FAM107B: variants seen among roughly 807,000 people sequenced by gnomAD.
The protein encoded by FAM107B is family with sequence similarity 107 member B, also known as protein FAM107B.
FAM107B carries 21 observed loss-of-function variants against 31.5 expected under a neutral mutation model. The observed-to-expected ratio is 0.67, with a 90% CI of 0.47 to 0.96. The LOEUF is 0.96. FAM107B is among the 40% of genes least tolerant of loss of function. The pLI is 0.00. For missense variants in FAM107B, 452 were observed against 377.1 expected (o/e 1.20, Z -1.64); for synonymous variants, 157 against 141.5 (o/e 1.11, Z -0.78).
intron 1 of FAM107B, among the ~76,000 whole-genome samples, chr10:14,767,363 A>G (rs1340633362): frequency 6.6e-6 from 1 of 151,830 alleles, no homozygotes; most frequent in African/African-American, 2.4e-5. Flanking sequence ...AAGTCCTGGG[A>G]TTACAGGCAT....
chr10:14,702,836 C>T (rs1209137526), intron 1 of FAM107B, among the ~76,000 whole-genome samples: 1 of 152,144 alleles, frequency 6.6e-6, no homozygotes, highest in African/African-American at 2.4e-5. Flanking sequence ...GAAGAGGCTT[C>T]TCCCCTACCT....
At chr10:14,703,289 C>T (rs1363304831) in intron 1 of FAM107B, among the ~76,000 whole-genome samples, 2 of 151,652 alleles carry the variant, frequency 1.3e-5, no homozygotes, top group African/African-American at 2.4e-5. Flanking sequence ...TTTGCTCCTA[C>T]AAAGTCTTCC....
chr10:14,619,909 T>C (rs1397823384), intron 2 of FAM107B, among the ~76,000 whole-genome samples: 1 of 152,008 alleles, frequency 6.6e-6, no homozygotes, highest in Non-Finnish European at 1.5e-5. Context: ...GATGTTCCAT[T>C]GTTTGCTTTT....
chr10:14,644,739 C>A (rs1033579048), intron 2 of FAM107B, among the ~76,000 whole-genome samples: 5 of 152,150 alleles, frequency 3.3e-5, no homozygotes, highest in African/African-American at 9.7e-5. Flanking sequence ...TGAAGAATGC[C>A]ACACAAATGC....
At chr10:14,560,398 G>A (rs1045718724) in intron 2 of FAM107B, among the ~76,000 whole-genome samples, 2 of 152,174 alleles carry the variant, frequency 1.3e-5, no homozygotes, top group Non-Finnish European at 2.9e-5. Flanking sequence ...GCTATATGAA[G>A]CAATAGGAAA....
chr10:14,587,754 G>A (rs1441264128), intron 2 of FAM107B, among the ~76,000 whole-genome samples: 1 of 152,210 alleles, frequency 6.6e-6, no homozygotes, highest in African/African-American at 2.4e-5. Context: ...GTGGGTGACA[G>A]TAAAGGACAC....
chr10:14,702,179 C>T (rs1031324161), intron 1 of FAM107B, among the ~76,000 whole-genome samples: 1 of 152,194 alleles, frequency 6.6e-6, no homozygotes, highest in African/African-American at 2.4e-5. Context: ...CTTGTTTATG[C>T]TCATCCACAA....
intron 2 of FAM107B, among the ~76,000 whole-genome samples, chr10:14,542,236 C>T (rs1026827958): frequency 2.7e-5 from 4 of 149,820 alleles, no homozygotes; most frequent in Non-Finnish European, 5.9e-5. Flanking sequence ...CGCCACTTCA[C>T]TCCAGCCTGG....
At chr10:14,571,030 C>T (rs1487713396) in intron 2 of FAM107B, among the ~76,000 whole-genome samples, 2 of 152,142 alleles carry the variant, frequency 1.3e-5, no homozygotes, top group East Asian at 3.8e-4. Flanking sequence ...CTATTTCTCA[C>T]AATTCTAGAG....
intron 2 of FAM107B, among the ~76,000 whole-genome samples, chr10:14,537,833 CAAAA>C (rs34298402): frequency 1.2e-5 from 1 of 85,628 alleles, no homozygotes; most frequent in Non-Finnish European, 2.2e-5. Context: ...GACTCTGTCT[CAAAA>C]AAAAAAAAAA....
In FAM107B at chr10:14,667,694, A is replaced by G. The variant is rs573910167; in HGVS notation, c.412-3T>C. ...GGTTCTTCTCGAAATTCTTCTTCCT[A>G]AGCGCCAGCCCCATAAACCAGAAAA... On this transcript the variant is annotated splice_region_variant and splice_polypyrimidine_tract_variant and intron_variant, in intron 1 of 4. Transcript: ENST00000181796. 3 of 1,613,978 alleles carry G rather than the reference A, an allele frequency of 1.9e-6. No individual in the cohort carries two copies. Among genetic ancestry groups the G allele is most frequent in the Non-Finnish European group, 2.5e-6 (3 of 1,179,982 alleles).
At chr10:14,535,954 C>G (rs1847563160) in intron 2 of FAM107B, among the ~76,000 whole-genome samples, 1 of 152,220 alleles carries the variant, frequency 6.6e-6, no homozygotes, top group Non-Finnish European at 1.5e-5. Context: ...CACTCCGGGC[C>G]CAGCTCTCTG....
chr10:14,638,471 T>C (rs1187173802), intron 2 of FAM107B, among the ~76,000 whole-genome samples: 2 of 152,220 alleles, frequency 1.3e-5, no homozygotes, highest in Non-Finnish European at 2.9e-5. Context: ...GCCTTTAAGT[T>C]TGAGATTCAA....
chr10:14,524,344 G>C (rs1020640778), intron 3 of FAM107B, among the ~76,000 whole-genome samples: 1 of 152,118 alleles, frequency 6.6e-6, no homozygotes, highest in Non-Finnish European at 1.5e-5. Context: ...CACCCAGCTA[G>C]TATAGTCCAT....
chr10:14,729,621 A>G lies in FAM107B; in HGVS notation c.411+44632T>C, dbSNP rs1856117695. On this transcript the variant is annotated intron_variant, in intron 1 of 4. Transcript: ENST00000181796. ...TGGTTCACAATCTTGGGTGCACCAG[A>G]ATCACCTGAGGAGCTTAAAAATCTC... is the stretch of plus-strand genomic sequence containing the variant. 2.0e-5 allele frequency among the ~76,000 whole-genome samples: 3 copies of G among 152,170 alleles called. No homozygotes were observed. In the South Asian group the frequency reaches 6.3e-4, roughly 32 times the overall value.
chr10:14,751,780 G>A (rs1329516836), intron 1 of FAM107B, among the ~76,000 whole-genome samples: 1 of 152,094 alleles, frequency 6.6e-6, no homozygotes, highest in Non-Finnish European at 1.5e-5. Flanking sequence ...AAGAGCTGCA[G>A]GGCCAAGAGC....
chr10:14,584,968 T>C (rs928959436), intron 2 of FAM107B, among the ~76,000 whole-genome samples: 8 of 152,192 alleles, frequency 5.3e-5, no homozygotes, highest in African/African-American at 1.9e-4. Context: ...GGTGTAACTT[T>C]GTAACTTCGC....
intron 2 of FAM107B, among the ~76,000 whole-genome samples, chr10:14,537,862 A>C (rs1221040473): frequency 6.6e-6 from 1 of 150,990 alleles, no homozygotes; most frequent in Admixed American, 6.6e-5. Context: ...AATGAAATGC[A>C]CCAAACGCAA....
chr10:14,758,735 G>A (rs370831431), intron 1 of FAM107B, among the ~76,000 whole-genome samples: 82 of 152,102 alleles, frequency 5.4e-4, no homozygotes, highest in Admixed American at 2.3e-3. Context: ...GTCTGAGGCC[G>A]CGAGTGCTGG....
Sources: allele counts gnomAD v4.1 joint callset (sites outside exome capture counted in the v4.1 genomes callset), GRCh38; gene constraint gnomAD v4.1.1; transcripts MANE v1.5; gene names NCBI Gene and HGNC (gene_info 2026-07-23, HGNC 2026-07-21).